ANXA8: variants seen among roughly 807,000 people sequenced by gnomAD.
ANXA8 encodes the protein VAC-beta.
ANXA8 carries 9 observed loss-of-function variants against 26.8 expected under a neutral mutation model. That is an observed-to-expected ratio of 0.34 (90% CI 0.20 to 0.59). ANXA8 has a LOEUF of 0.59. Among genes scored for constraint, ANXA8 ranks in the 20% least tolerant of loss-of-function variants. The pLI, the probability that ANXA8 is intolerant of heterozygous loss-of-function variation, is 0.84. For missense variants in ANXA8, 83 were observed against 238.5 expected (o/e 0.35, Z 4.29); for synonymous variants, 39 against 94.8 (o/e 0.41, Z 3.42).
chr10:47,562,825 T>G, the ANXA8 span, among the ~76,000 whole-genome samples: 2 of 150,660 alleles, frequency 1.3e-5, no homozygotes, highest in Middle Eastern at 3.4e-3. Context: ...GTGAGGAGAA[T>G]AACAGGTAAG....
At chr10:47,628,545 A>G in the ANXA8 span, among the ~76,000 whole-genome samples, 5 of 150,734 alleles carry the variant, frequency 3.3e-5, no homozygotes, top group African/African-American at 4.9e-5. Flanking sequence ...AATTATTTAA[A>G]TAGGTTCAAG....
At chr10:47,703,365 C>T in the ANXA8 span, among the ~76,000 whole-genome samples, 5 of 151,676 alleles carry the variant, frequency 3.3e-5, no homozygotes, top group South Asian at 2.1e-4. Context: ...CCCAGGAGTT[C>T]GAGACCAGCC....
chr10:47,683,173 G>C, the ANXA8 span, among the ~76,000 whole-genome samples: 1 of 150,760 alleles, frequency 6.6e-6, no homozygotes, highest in Admixed American at 6.6e-5. Flanking sequence ...CATAAAAAGT[G>C]GACATTTTCT....
the ANXA8 span, among the ~76,000 whole-genome samples, chr10:47,628,086 G>A: frequency 1.3e-5 from 2 of 150,600 alleles, no homozygotes; most frequent in Non-Finnish European, 3.0e-5. Flanking sequence ...ATTGAATGAA[G>A]GATGTTATGT....
the ANXA8 span, among the ~76,000 whole-genome samples, chr10:47,587,594 G>A: frequency 2.0e-5 from 3 of 147,082 alleles, no homozygotes; most frequent in Admixed American, 1.3e-4. Context: ...TGACTTGTGT[G>A]CCCTTGGGCA....
the ANXA8 span, among the ~76,000 whole-genome samples, chr10:47,736,505 T>C: frequency 8.4e-6 from 1 of 119,022 alleles, no homozygotes; most frequent in Non-Finnish European, 1.7e-5. Flanking sequence ...TTTTAAAATG[T>C]TCTCAGAAAG....
chr10:47,979,484 G>A, the ANXA8 span, among the ~76,000 whole-genome samples: 1 of 151,444 alleles, frequency 6.6e-6, no homozygotes, highest in African/African-American at 2.4e-5. Flanking sequence ...ATGACAAAAG[G>A]GGCTTTGCAG....
the ANXA8 span, among the ~76,000 whole-genome samples, chr10:47,741,972 C>T: frequency 1.0e-5 from 1 of 99,564 alleles, no homozygotes; most frequent in East Asian, 3.1e-4. Context: ...TCCCGAGTAG[C>T]TGGGATTACA....
the ANXA8 span, among the ~76,000 whole-genome samples, chr10:47,702,703 G>A: frequency 0.012 from 1,779 of 151,718 alleles, 22 homozygotes; most frequent in Non-Finnish European, 0.016. Flanking sequence ...GTGCGATCTC[G>A]GCTTACTCCA....
the ANXA8 span, among the ~76,000 whole-genome samples, chr10:47,767,688 G>A: frequency 2.6e-5 from 4 of 151,690 alleles, no homozygotes; most frequent in African/African-American, 7.3e-5. Context: ...TAGGTTCAGG[G>A]ATGTCCCTGT....
the ANXA8 span, among the ~76,000 whole-genome samples, chr10:47,631,224 C>T: frequency 7.3e-5 from 11 of 150,930 alleles, no homozygotes; most frequent in East Asian, 5.8e-4. Context: ...TGGTATAGTA[C>T]GAGAAAGGTA....
the ANXA8 span, among the ~76,000 whole-genome samples, chr10:47,588,492 C>G: frequency 1.6e-4 from 23 of 139,794 alleles, no homozygotes; most frequent in Non-Finnish European, 3.0e-4. Context: ...TGTGAATCTC[C>G]ATGGGGAGGC....
chr10:47,968,714 CA>C, the ANXA8 span, among the ~76,000 whole-genome samples: 1 of 151,134 alleles, frequency 6.6e-6, no homozygotes, highest in Non-Finnish European at 1.5e-5. Flanking sequence ...TTCTGAATGA[CA>C]ATCTTATCAA....
chr10:47,938,952 C>CA, the ANXA8 span, among the ~76,000 whole-genome samples: 1 of 142,498 alleles, frequency 7.0e-6, no homozygotes, highest in Non-Finnish European at 1.5e-5. Flanking sequence ...CGAAGGCCCC[C>CA]ATTAGGAAAA....
At chr10:47,644,497 A>G in the ANXA8 span, among the ~76,000 whole-genome samples, 1 of 152,038 alleles carries the variant, frequency 6.6e-6, no homozygotes, top group Non-Finnish European at 1.5e-5. Context: ...ATTGCAGTCT[A>G]TTGGCTGGAT....
the ANXA8 span, among the ~76,000 whole-genome samples, chr10:47,552,578 G>T: frequency 6.6e-6 from 1 of 152,046 alleles, no homozygotes; most frequent in Non-Finnish European, 1.5e-5. Flanking sequence ...GTATGTGTGA[G>T]ATATGACTGG....
the ANXA8 span, among the ~76,000 whole-genome samples, chr10:47,969,059 G>GC: frequency 1.3e-5 from 2 of 149,008 alleles, no homozygotes; most frequent in East Asian, 4.0e-4. Flanking sequence ...CTTGTAGGGT[G>GC]CCTCCAGGCC....
At chr10:47,483,158 G>A (rs71227473) in intron 1 of ANXA8, among the ~76,000 whole-genome samples, 2 of 151,232 alleles carry the variant, frequency 1.3e-5, no homozygotes, top group Middle Eastern at 3.2e-3. Context: ...TTCTGCTGGG[G>A]ATGGGCTGCC....
chr10:47,664,638 T>G, the ANXA8 span, among the ~76,000 whole-genome samples: 1 of 146,772 alleles, frequency 6.8e-6, no homozygotes, highest in Non-Finnish European at 1.5e-5. Flanking sequence ...AAATAATTTC[T>G]GTTATTGTGT....
Sources: allele counts gnomAD v4.1 joint callset (sites outside exome capture counted in the v4.1 genomes callset), GRCh38; gene constraint gnomAD v4.1.1; transcripts MANE v1.5; gene names NCBI Gene and HGNC (gene_info 2026-07-23, HGNC 2026-07-21).